Variants in GPR39 observed in about 807,000 individuals in gnomAD.
GPR39 encodes zinc sensing receptor.
In GPR39, 23 loss-of-function variants were observed where a neutral mutation model predicts 18.4. The ratio of observed to expected loss-of-function variants is 1.25; its 90% CI spans 0.90 to 1.77. The LOEUF (loss-of-function observed/expected upper bound fraction) is 1.77. GPR39 is among the 40% of genes most tolerant of loss of function. The pLI, the probability that GPR39 is intolerant of heterozygous loss-of-function variation, is 0.00. For missense variants in GPR39, 647 were observed against 602.4 expected (o/e 1.07, Z -0.78); for synonymous variants, 280 against 257.9 (o/e 1.09, Z -0.82).
intron 1 of GPR39, among the ~76,000 whole-genome samples, chr2:132,639,013 A>G (rs1681814265): frequency 6.6e-6 from 1 of 151,664 alleles, no homozygotes; most frequent in African/African-American, 2.4e-5. Flanking sequence ...TTCCAGGCTG[A>G]CTCTTACTCT....
chr2:132,424,789 A>G (rs934730892), intron 1 of GPR39, among the ~76,000 whole-genome samples: 2 of 152,208 alleles, frequency 1.3e-5, no homozygotes, highest in Non-Finnish European at 2.9e-5. Context: ...TATAGAATAA[A>G]AAAACAGACA....
chr2:132,454,494 C>T (rs1442589110), intron 1 of GPR39, among the ~76,000 whole-genome samples: 1 of 152,090 alleles, frequency 6.6e-6, no homozygotes, highest in Non-Finnish European at 1.5e-5. Flanking sequence ...GCCTGATTGC[C>T]CTGGCCAGAA....
chr2:132,581,985 G>A (rs995216556), intron 1 of GPR39, among the ~76,000 whole-genome samples: 13 of 152,298 alleles, frequency 8.5e-5, no homozygotes, highest in Admixed American at 5.9e-4. Flanking sequence ...CAGATGGCCC[G>A]GTGGTTGGGA....
intron 1 of GPR39, among the ~76,000 whole-genome samples, chr2:132,599,533 T>G (rs1452287623): frequency 6.6e-6 from 1 of 152,228 alleles, no homozygotes; most frequent in Non-Finnish European, 1.5e-5. Flanking sequence ...TTCGCATCAC[T>G]TAGTGTCTAC....
intron 1 of GPR39, among the ~76,000 whole-genome samples, chr2:132,524,888 C>A (rs955054676): frequency 1.3e-5 from 2 of 152,148 alleles, no homozygotes; most frequent in Non-Finnish European, 2.9e-5. Flanking sequence ...AGTCTTCTTT[C>A]CCCTCCTTGA....
At chr2:132,534,159 C>A (rs1019884827) in intron 1 of GPR39, among the ~76,000 whole-genome samples, 5 of 151,872 alleles carry the variant, frequency 3.3e-5, no homozygotes, top group African/African-American at 1.2e-4. Context: ...AAAAACAACC[C>A]CATCAAAAAG....
chr2:132,493,233 T>TATATATACACC (rs1367994913), intron 1 of GPR39, among the ~76,000 whole-genome samples: 3 of 141,278 alleles, frequency 2.1e-5, no homozygotes, highest in African/African-American at 2.8e-5. Context: ...ATATACACCA[T>TATATATACACC]ATATATACAC....
chr2:132,605,281 A>T (rs1681114133), intron 1 of GPR39, among the ~76,000 whole-genome samples: 1 of 152,188 alleles, frequency 6.6e-6, no homozygotes, highest in Admixed American at 6.5e-5. Context: ...GAGGTAAATG[A>T]AGTGGATGTG....
intron 1 of GPR39, among the ~76,000 whole-genome samples, chr2:132,449,396 G>A (rs999743593): frequency 2.6e-5 from 4 of 152,046 alleles, no homozygotes; most frequent in South Asian, 2.1e-4. Context: ...ACAGGCATGC[G>A]CCACCATGCC....
intron 1 of GPR39, among the ~76,000 whole-genome samples, chr2:132,457,305 C>G (rs1680746217): frequency 6.6e-6 from 1 of 152,158 alleles, no homozygotes; most frequent in Admixed American, 6.5e-5. Context: ...TCATGAAGTT[C>G]TCGTGCTATG....
intron 1 of GPR39, among the ~76,000 whole-genome samples, chr2:132,581,635 G>A (rs756481816): frequency 1.3e-5 from 2 of 152,146 alleles, no homozygotes; most frequent in Non-Finnish European, 2.9e-5. Context: ...GGGAAATGAG[G>A]TTTGGGTCAA....
At chr2:132,464,659 G>A (rs972889914) in intron 1 of GPR39, among the ~76,000 whole-genome samples, 1 of 152,180 alleles carries the variant, frequency 6.6e-6, no homozygotes, top group Non-Finnish European at 1.5e-5. Context: ...GAAGGAGAGA[G>A]AATAAGCAAG....
intron 1 of GPR39, among the ~76,000 whole-genome samples, chr2:132,577,107 G>A (rs897481807): frequency 6.6e-6 from 1 of 151,730 alleles, no homozygotes; most frequent in East Asian, 1.9e-4. Context: ...TGTAATCCCA[G>A]CACTTTGGGA....
At chr2:132,570,776 A>G (rs1290547787) in intron 1 of GPR39, among the ~76,000 whole-genome samples, 1 of 152,090 alleles carries the variant, frequency 6.6e-6, no homozygotes, top group Non-Finnish European at 1.5e-5. Flanking sequence ...TTGTGACCAA[A>G]TCCAGAATCT....
intron 1 of GPR39, among the ~76,000 whole-genome samples, chr2:132,548,634 A>G (rs377476084): frequency 1.2e-4 from 18 of 152,168 alleles, no homozygotes; most frequent in African/African-American, 3.6e-4. Flanking sequence ...CAGCTCCTCA[A>G]TTTACCAGCT....
chr2:132,563,844 T>TA (rs147108534), intron 1 of GPR39, among the ~76,000 whole-genome samples: 32,597 of 152,156 alleles, frequency 0.21, 3,757 homozygotes, highest in Non-Finnish European at 0.26. Context: ...TCCTCTAACT[T>TA]ACTGGTTCTC....
intron 1 of GPR39, among the ~76,000 whole-genome samples, chr2:132,633,854 G>A (rs1299981743): frequency 1.3e-5 from 2 of 152,130 alleles, no homozygotes; most frequent in African/African-American, 4.8e-5. Context: ...GTTGGTGGGG[G>A]TGGTAGCGGC....
rs141468975 is a variant in GPR39, at chr2:132,458,431, C to CCT, written c.856+40551_856+40552dup. On this transcript the variant is annotated intron_variant, in intron 1 of 1. Coordinates refer to ENST00000329321, the MANE Select transcript of GPR39 (RefSeq NM_001508.3). Reference sequence around the variant, plus strand: ...CATGAGCTCATATATATCTACTTTACCTCTCTCTCTCTCTCTCTCGGTGTG... The same window carrying CCT: ...CATGAGCTCATATATATCTACTTTACCTCTCTCTCTCTCTCTCTCTCGGTGTG... Among the ~76,000 whole-genome samples, 991 of 103,606 alleles carry CCT rather than the reference C, an allele frequency of 9.6e-3. 4 individuals are homozygous for CCT. Among genetic ancestry groups the CCT allele is most frequent in the African/African-American group, 0.025 (708 of 28,252 alleles). 68.0% of individuals were successfully genotyped at this position (103,606 alleles called of 152,430 possible).
At chr2:132,448,483 G>A (rs796106440) in intron 1 of GPR39, among the ~76,000 whole-genome samples, 17 of 152,310 alleles carry the variant, frequency 1.1e-4, no homozygotes, top group African/African-American at 3.1e-4. Flanking sequence ...GAGGTCAGTC[G>A]TCAGGTTACT....
Sources: allele counts gnomAD v4.1 joint callset (sites outside exome capture counted in the v4.1 genomes callset), GRCh38; gene constraint gnomAD v4.1.1; transcripts MANE v1.5; gene names NCBI Gene and HGNC (gene_info 2026-07-23, HGNC 2026-07-21).